The following DLAT variants were observed in gnomAD, a reference collection of about 807,000 sequenced individuals.
DLAT encodes the protein dihydrolipoyllysine-residue acetyltransferase component of pyruvate dehydrogenase complex, mitochondrial.
A neutral mutation model predicts 68.0 loss-of-function variants in DLAT; 43 were observed. The ratio of observed to expected loss-of-function variants is 0.63; its 90% CI spans 0.50 to 0.81. The LOEUF (loss-of-function observed/expected upper bound fraction) is 0.81, where lower values mean the gene tolerates loss of function less well. DLAT is among the 40% of genes least tolerant of loss of function. The pLI, the probability that DLAT is intolerant of heterozygous loss-of-function variation, is 0.00. For synonymous variants in DLAT, 265 were observed against 288.6 expected, an observed-to-expected ratio of 0.92 and a Z score of 0.83; for missense variants, 745 against 815.4, an observed-to-expected ratio of 0.91 and a Z score of 1.05.
Position 112,051,499 on chromosome 11 carries a change from TTA to T in DLAT, c.1514+152_1514+153del. 1 of 637,546 alleles carries T rather than the reference TTA, an allele frequency of 1.6e-6. No individual in the cohort carries two copies. The highest frequency in any genetic ancestry group is 2.8e-6 in the Non-Finnish European group (1 of 361,922). 39.5% of individuals were successfully genotyped at this position (637,546 alleles called of 1,614,324 possible). A position where few individuals can be genotyped will look rare whatever the true frequency, so the allele number is the denominator to read the frequency against. On this transcript the variant is annotated intron_variant, in intron 11 of 13. Transcript: ENST00000280346. This position sits in a 1 kb window ranked among gnomAD's most constrained non-coding sequence, Gnocchi z 4.3. ...CAACTTGAAAACAACACAAAAATGT[TTA>T]TGAGTTACTGCTTTTTACTTTTTTT...
At position 112,025,644 on chromosome 11, in the gene DLAT, C is replaced by G. The variant is rs1555179133; in HGVS notation, c.172C>G (p.Leu58Val). The change falls in exon 1 of 14, where the codon CTG becomes GTG. Residue 58 changes from leucine to valine, a missense_variant. Coordinates refer to ENST00000280346, the MANE Select transcript of DLAT (RefSeq NM_001931.5). Reference protein sequence around the residue: ...VTTGYGGVRALCGWTPSSGAT... With the variant: ...VTTGYGGVRAVCGWTPSSGAT... ...TACAGGGTATGGCGGGGTCCGGGCA[C>G]TGTGCGGCTGGACCCCCAGTTCTGG... 6.2e-7 allele frequency: 1 copy of G among 1,613,316 alleles called. No individual in the cohort carries two copies. The highest frequency in any genetic ancestry group is 1.1e-5 in the South Asian group (1 of 91,080).
At position 112,037,332 on chromosome 11, in the gene DLAT, GAT is replaced by G. The variant is rs782704553; in HGVS notation, c.848_849del (p.Asp283GlyfsTer22). 2 of 1,614,142 alleles carry G rather than the reference GAT, an allele frequency of 1.2e-6. No individual in the cohort carries two copies. Among genetic ancestry groups the G allele is most frequent in the Non-Finnish European group, 1.7e-6 (2 of 1,180,012 alleles). The stretch of plus-strand genomic sequence containing the variant: ...AATCCTGGTCCCTGAAGGCACAAGA[GAT>G]GTCCCTCTAGGAACCCCACTCTGTA... ...AKILVPEGTR[D>X]VPLGTPLCII... On this transcript the variant is annotated frameshift_variant, in exon 6 of 14. Coordinates refer to ENST00000280346, the MANE Select transcript of DLAT (RefSeq NM_001931.5). LOFTEE classifies it high-confidence loss of function.
chr11:112,059,929 C>T lies in DLAT; in HGVS notation c.1541C>T (p.Ala514Val), dbSNP rs368631614. 2.7e-5 allele frequency: 44 copies of T among 1,611,090 alleles called. No homozygotes were observed. The highest frequency in any genetic ancestry group is 1.7e-4 in the Middle Eastern group (1 of 6,044). ...AATCATGTTGTTGATGTCAGTGTTGCGGTCAGTACTCCTGCAGGACTCATC... is the reference window on the plus strand; with the variant it reads ...AATCATGTTGTTGATGTCAGTGTTGTGGTCAGTACTCCTGCAGGACTCATC... ...RQNHVVDVSV[A>V]VSTPAGLITP... The change falls in exon 12 of 14, where the codon GCG becomes GTG. Residue 514 changes from alanine (A) to valine (V), a missense_variant. Physicochemically the swap from Ala to Val is moderately conservative, Grantham distance 64. Transcript: ENST00000280346.
chr11:112,032,408 A>T lies in DLAT; in HGVS notation c.661-996A>T, dbSNP rs1037880764. The T allele has an allele frequency of 3.3e-5, 5 of 152,292 alleles. No homozygotes were observed. The East Asian group carries it at 9.6e-4, about 29-fold the overall frequency. 9.4% of individuals were successfully genotyped at this position (152,292 alleles called of 1,614,324 possible). A position where few individuals can be genotyped will look rare whatever the true frequency, so the allele number is the denominator to read the frequency against. On this transcript the variant is annotated intron_variant, in intron 4 of 13. Transcript: ENST00000280346. ...TATATATGCATTACTTTATAGACTTATCTTTTAGGCCACTTAAAAATCTAC... is the reference window on the plus strand; with the variant it reads ...TATATATGCATTACTTTATAGACTTTTCTTTTAGGCCACTTAAAAATCTAC...
chr11:112,040,300 T>C (rs587679601), intron 7 of DLAT, among the ~76,000 whole-genome samples: 1 of 152,326 alleles, frequency 6.6e-6, no homozygotes, highest in Admixed American at 6.5e-5. Context: ...TAACTTACCA[T>C]ACTTAATGTA....
At chr11:112,035,854 G>T (rs1450103595) in intron 5 of DLAT, among the ~76,000 whole-genome samples, 1 of 145,744 alleles carries the variant, frequency 6.9e-6, no homozygotes, top group African/African-American at 2.6e-5. Context: ...GCAATGGCAT[G>T]ATCTTGGCTC....
At chr11:112,026,105 CTT>C (rs1861983990) in intron 1 of DLAT, 91 bp from the exon 2 acceptor site, 1 of 1,038,188 alleles carries the variant, frequency 9.6e-7, no homozygotes, top group Non-Finnish European at 1.5e-6. Flanking sequence ...ACTGTATACA[CTT>C]TGCATGAAAT....
Position 112,037,291 on chromosome 11 carries a change from A to G in DLAT, c.806A>G (p.Glu269Gly), listed in dbSNP as rs1336975062. Residue 269 changes from glutamate to glycine, a missense_variant, in exon 6 of 14, where the codon GAA (glutamate) becomes GGA (glycine). Glu to Gly is a moderately conservative substitution (Grantham distance 98). Transcript: ENST00000280346. ...KATIGFEVQE[E>G]GYLAKILVPE... ...ATTTAAGGTTTTGAAGTACAGGAAGAAGGTTATCTGGCAAAAATCCTGGTC... is the reference window on the plus strand; with the variant it reads ...ATTTAAGGTTTTGAAGTACAGGAAGGAGGTTATCTGGCAAAAATCCTGGTC... The G allele has an allele frequency of 5.6e-6, 9 of 1,614,076 alleles. 1 individual carries two copies. In the East Asian group the frequency reaches 6.7e-5, roughly 12 times the overall value.
chr11:112,057,910 T>C (rs1205751842), intron 11 of DLAT, among the ~76,000 whole-genome samples: 5 of 152,228 alleles, frequency 3.3e-5, no homozygotes, highest in Non-Finnish European at 5.9e-5. Flanking sequence ...TTAAGGTGTA[T>C]ACATTGGTTT....
At position 112,028,509 on chromosome 11, in the gene DLAT, TA is replaced by T; in HGVS notation, c.382-2del. ...AAACCTGAGCTACTGCTTTTTGTGT[TA>T]AAAGGTTGAAACTGATAAAGCCACT... On this transcript the variant is annotated splice_polypyrimidine_tract_variant and splice_region_variant and intron_variant, in intron 2 of 13. Coordinates refer to ENST00000280346, the MANE Select transcript of DLAT (RefSeq NM_001931.5). 1 of 1,613,598 alleles carries T rather than the reference TA, an allele frequency of 6.2e-7. No individual in the cohort carries two copies. Among genetic ancestry groups the T allele is most frequent in the Non-Finnish European group, 8.5e-7 (1 of 1,179,850 alleles).
At chr11:112,030,419 G>T in intron 4 of DLAT, 2 of 391,938 alleles carry the variant, frequency 5.1e-6, no homozygotes, top group East Asian at 6.1e-5. Flanking sequence ...CATGAGATTT[G>T]GAGGGGACAG....
Position 112,051,427 on chromosome 11 carries a change from TAAG to T in DLAT, c.1514+79_1514+81del. 1 of 1,047,348 alleles carries T rather than the reference TAAG, an allele frequency of 9.5e-7. No individual in the cohort carries two copies. Among genetic ancestry groups the T allele is most frequent in the South Asian group, 1.3e-5 (1 of 78,284 alleles). The allele number at this position is 1,047,348 out of a possible 1,614,324, so 64.9% of individuals were successfully genotyped here. A position where few individuals can be genotyped will look rare whatever the true frequency, so the allele number is the denominator to read the frequency against. On this transcript the variant is annotated intron_variant, in intron 11 of 13. Transcript: ENST00000280346. The surrounding 1 kb of genome is among the most constrained non-coding windows in gnomAD (Gnocchi z 4.3). Reference sequence around the variant, plus strand: ...TAATGTGTGAGTGGAGTTGAGGGGATAAGGAGAAATGGAATACAGAGAGGCAGA... The same window carrying T: ...TAATGTGTGAGTGGAGTTGAGGGGATGAGAAATGGAATACAGAGAGGCAGA...
intron 1 of DLAT, 93 bp from the exon 2 acceptor site, chr11:112,026,105 C>G (rs1426154744): frequency 2.9e-6 from 3 of 1,038,188 alleles, no homozygotes; most frequent in Admixed American, 2.0e-5. Flanking sequence ...ACTGTATACA[C>G]TTTGCATGAA....
chr11:112,026,615 A>G (rs1180983739), intron 2 of DLAT, among the ~76,000 whole-genome samples: 3 of 152,198 alleles, frequency 2.0e-5, no homozygotes, highest in East Asian at 3.8e-4. Context: ...GACACAGCAC[A>G]TGTTTCAGAG....
Position 112,045,810 on chromosome 11 carries a change from TAGTTAAGGTCTTA to T in DLAT, c.1291-51_1291-39del. ...TGAAGAGACAAACAGAGCCCTAAATTAGTTAAGGTCTTAACTCAAGATAATTGATTTTTTAAAT... is the reference window on the plus strand; with the variant it reads ...TGAAGAGACAAACAGAGCCCTAAATTACTCAAGATAATTGATTTTTTAAAT... On this transcript the variant is annotated intron_variant, in intron 9 of 13. Transcript: ENST00000280346. The T allele has an allele frequency of 3.7e-6, 4 of 1,088,742 alleles. No homozygotes were observed. In the Middle Eastern group the frequency reaches 5.9e-4, roughly 162 times the overall value. 67.4% of individuals were successfully genotyped at this position (1,088,742 alleles called of 1,614,324 possible). A position where few individuals can be genotyped will look rare whatever the true frequency, so the allele number is the denominator to read the frequency against.
At chr11:112,040,231 G>A (rs1555180921) in intron 7 of DLAT, among the ~76,000 whole-genome samples, 1 of 152,108 alleles carries the variant, frequency 6.6e-6, no homozygotes, top group Non-Finnish European at 1.5e-5. Flanking sequence ...TATTTGGAAT[G>A]GGGGGAAGTT....
At chr11:112,038,373 A>G (rs909094674) in intron 6 of DLAT, among the ~76,000 whole-genome samples, 3 of 151,104 alleles carry the variant, frequency 2.0e-5, no homozygotes, top group Non-Finnish European at 3.0e-5. Context: ...TAATTTTTTT[A>G]TTTTTAGTAG....
At chr11:112,046,182 A>G (rs1863304188) in intron 10 of DLAT, among the ~76,000 whole-genome samples, 1 of 152,198 alleles carries the variant, frequency 6.6e-6, no homozygotes, top group African/African-American at 2.4e-5. Flanking sequence ...TATCTAAGAA[A>G]CTATTACCTA....
intron 5 of DLAT, among the ~76,000 whole-genome samples, chr11:112,034,044 A>G (rs919748635): frequency 2.6e-5 from 4 of 152,220 alleles, no homozygotes; most frequent in African/African-American, 9.6e-5. Flanking sequence ...TATAACAAAA[A>G]TAATGCGTAG....
Sources: allele counts gnomAD v4.1 joint callset (sites outside exome capture counted in the v4.1 genomes callset), GRCh38; gene constraint gnomAD v4.1.1; non-coding constraint Gnocchi (gnomAD v3.1); transcripts MANE v1.5; gene names NCBI Gene and HGNC (gene_info 2026-07-23, HGNC 2026-07-21).